WFDC1: variants seen among roughly 807,000 people sequenced by gnomAD.
The protein encoded by WFDC1 is WAP four-disulfide core domain 1, also known as WAP four-disulfide core domain protein 1.
WFDC1 carries 39 observed loss-of-function variants against 32.9 expected under a neutral mutation model. That is an observed-to-expected ratio of 1.19 (90% confidence interval 0.92 to 1.55). The LOEUF is 1.55. Among genes scored for constraint, WFDC1 ranks in the 40% most tolerant of loss-of-function variants. The probability of loss-of-function intolerance (pLI) is 0.00; values close to 1 mark genes in which losing one functional copy is unlikely to be tolerated. For missense variants in WFDC1, 386 were observed against 309.5 expected (o/e 1.25, Z -1.85); for synonymous variants, 184 against 137.4 (o/e 1.34, Z -2.37).
chr16:84,308,933 G>A (rs768264739), intron 1 of WFDC1, among the ~76,000 whole-genome samples: 1 of 152,130 alleles, frequency 6.6e-6, no homozygotes, highest in Non-Finnish European at 1.5e-5. Context: ...GCCATCCTGG[G>A]TGTAGACACC....
chr16:84,318,723 C>A (rs532733294), intron 3 of WFDC1: 4 of 247,464 alleles, frequency 1.6e-5, no homozygotes, highest in Admixed American at 4.5e-5. Context: ...AGGCAGAGGG[C>A]AATTTCTGGA....
chr16:84,313,752 G>A lies in WFDC1; in HGVS notation c.337+599G>A, dbSNP rs373100631. ...TGGGGCGTGCCCCAGAGAGGAGCGGGTGCGTGGCTTCAGATCCACCGGCCA... is the reference window on the plus strand; with the variant it reads ...TGGGGCGTGCCCCAGAGAGGAGCGGATGCGTGGCTTCAGATCCACCGGCCA... On this transcript the variant is annotated intron_variant, in intron 2 of 6. Coordinates refer to ENST00000219454, the MANE Select transcript of WFDC1 (RefSeq NM_021197.4). 1.1e-4 allele frequency among the ~76,000 whole-genome samples: 17 copies of A among 152,340 alleles called. No individual in the cohort carries two copies. In the East Asian group the frequency reaches 2.1e-3, roughly 19 times the overall value.
intron 1 of WFDC1, among the ~76,000 whole-genome samples, chr16:84,303,021 C>CTTTTT (rs35785853): frequency 5.9e-5 from 8 of 135,096 alleles, no homozygotes; most frequent in Non-Finnish European, 7.9e-5. Context: ...TTCTTTCTTT[C>CTTTTT]TTTTTTTTTT....
intron 1 of WFDC1, among the ~76,000 whole-genome samples, chr16:84,298,988 C>A (rs996610606): frequency 6.6e-6 from 1 of 152,162 alleles, no homozygotes; most frequent in Admixed American, 6.5e-5. Flanking sequence ...GTAAAAAGAC[C>A]ATAGAGCCCA....
chr16:84,314,078 C>G (rs1032320676), intron 2 of WFDC1, among the ~76,000 whole-genome samples: 4 of 151,998 alleles, frequency 2.6e-5, no homozygotes, highest in Non-Finnish European at 5.9e-5. Context: ...GAAAAGACAA[C>G]GTGCAGCTCA....
chr16:84,326,819 C>A, intron 5 of WFDC1, 63 bp from the exon 6 acceptor site: 2 of 1,595,460 alleles, frequency 1.3e-6, no homozygotes, highest in East Asian at 4.5e-5. Context: ...CCTGGTGAGC[C>A]ACGGGGGGCA....
At chr16:84,314,539 T>C (rs1260140161) in intron 2 of WFDC1, among the ~76,000 whole-genome samples, 1 of 152,058 alleles carries the variant, frequency 6.6e-6, no homozygotes, top group African/African-American at 2.4e-5. Context: ...GAGTCAGAGA[T>C]GGCAAGGATG....
Position 84,294,886 on chromosome 16 carries a change from C to T in WFDC1, c.-86C>T. ...AACTAAGAAAGTCCAGCAGACTGTG[C>T]ACGCTCCTGTCCCCACTCACAGGCC... On this transcript the variant is annotated 5_prime_UTR_variant, in exon 1 of 7. Transcript: ENST00000219454. 6.5e-6 allele frequency: 10 copies of T among 1,532,304 alleles called. No homozygotes were observed. The highest frequency in any genetic ancestry group is 7.0e-6 in the Non-Finnish European group (8 of 1,140,342). 94.9% of individuals were successfully genotyped at this position (1,532,304 alleles called of 1,614,324 possible).
chr16:84,302,099 G>T (rs141211001), intron 1 of WFDC1, among the ~76,000 whole-genome samples: 163 of 152,258 alleles, frequency 1.1e-3, no homozygotes, highest in African/African-American at 3.8e-3. Flanking sequence ...AAGACATGAT[G>T]CTGAGTGCAC....
At chr16:84,318,487 T>C in intron 3 of WFDC1, 132 bp downstream of exon 3, 2 of 819,220 alleles carry the variant, frequency 2.4e-6, no homozygotes, top group South Asian at 3.1e-5. Context: ...CTCAGCCCTC[T>C]TTGATCCTCC....
intron 1 of WFDC1, among the ~76,000 whole-genome samples, chr16:84,296,391 C>G (rs1054591146): frequency 1.3e-5 from 2 of 152,168 alleles, no homozygotes; most frequent in Non-Finnish European, 2.9e-5. Context: ...CTGGTACATT[C>G]TTGTGGGTGA....
chr16:84,312,900 C>T lies in WFDC1; in HGVS notation c.145-61C>T, dbSNP rs115844790. On this transcript the variant is annotated intron_variant, in intron 1 of 6. Coordinates refer to ENST00000219454, the MANE Select transcript of WFDC1 (RefSeq NM_021197.4). ...GCACTGCCCACCCCCTTGCAAGCTCCGGGTGGCGCCGGGACTCGAACGCGC... is the reference window on the plus strand; with the variant it reads ...GCACTGCCCACCCCCTTGCAAGCTCTGGGTGGCGCCGGGACTCGAACGCGC... The T allele has an allele frequency of 0.013, 13,749 of 1,065,442 alleles. 1,113 individuals are homozygous for T. In the African/African-American group the frequency reaches 0.19, roughly 15 times the overall value. 66.0% of individuals were successfully genotyped at this position (1,065,442 alleles called of 1,614,324 possible). A position where few individuals can be genotyped will look rare whatever the true frequency, so the allele number is the denominator to read the frequency against.
chr16:84,295,993 T>G (rs1313567367), intron 1 of WFDC1, among the ~76,000 whole-genome samples: 2 of 152,112 alleles, frequency 1.3e-5, no homozygotes, highest in Non-Finnish European at 2.9e-5. Context: ...CATTTATTAG[T>G]ATGTGCAGAT....
intron 2 of WFDC1, 142 bp from the exon 3 acceptor site, chr16:84,318,130 G>T: frequency 1.4e-6 from 1 of 738,174 alleles, no homozygotes; most frequent in Admixed American, 2.2e-5. Context: ...AAAGCAAAGG[G>T]TGAAGGTGTG....
chr16:84,307,828 C>A (rs1012103166), intron 1 of WFDC1, among the ~76,000 whole-genome samples: 1 of 152,162 alleles, frequency 6.6e-6, no homozygotes, highest in Non-Finnish European at 1.5e-5. Context: ...AATTCTGCAG[C>A]AAGTGAACTG....
Position 84,312,975 on chromosome 16 carries a change from C to A in WFDC1, c.159C>A (p.Gly53=). The change falls in exon 2 of 7, where the codon GGC becomes GGA. Residue 53 remains glycine (G), a synonymous_variant. Transcript: ENST00000219454. ...LAEKSRAEEA[G]APGGPRQPRA... is the part of the protein sequence containing the mutation. ...TCTCCCCGCAGGCCGAGGAGGCGGG[C>A]GCGCCCGGCGGCCCCCGGCAGCCCC... 3.4e-6 allele frequency: 4 copies of A among 1,165,492 alleles called. No individual in the cohort carries two copies. The highest frequency in any genetic ancestry group is 4.2e-6 in the Non-Finnish European group (4 of 946,206). 72.2% of individuals were successfully genotyped at this position (1,165,492 alleles called of 1,614,324 possible).
chr16:84,312,781 T>C (rs1014186450), intron 1 of WFDC1, among the ~76,000 whole-genome samples, 180 bp from the exon 2 acceptor site: 3 of 152,168 alleles, frequency 2.0e-5, no homozygotes, highest in Non-Finnish European at 4.4e-5. Context: ...AAAAGATACA[T>C]GGTATCTTCT....
At chr16:84,309,276 AG>A (rs2151373279) in intron 1 of WFDC1, among the ~76,000 whole-genome samples, 1 of 152,152 alleles carries the variant, frequency 6.6e-6, no homozygotes, top group South Asian at 2.1e-4. Context: ...AAATCGAAAA[AG>A]TAACATGTAC....
chr16:84,294,941 T>G lies in WFDC1; in HGVS notation c.-31T>G, dbSNP rs145207818. 1.2e-6 allele frequency: 2 copies of G among 1,600,918 alleles called. No homozygotes were observed. Among genetic ancestry groups the G allele is most frequent in the East Asian group, 2.2e-5 (1 of 44,778 alleles). On this transcript the variant is annotated 5_prime_UTR_variant, in exon 1 of 7. Coordinates refer to ENST00000219454, the MANE Select transcript of WFDC1 (RefSeq NM_021197.4). ...CAGCGAGGGGGGCCCCTCTTCTGTG[T>G]GCGTCTGGAAGGTCGCTGCCCAGGG...
Sources: gnomAD v4.1 joint callset for allele counts (sites outside exome capture counted in the v4.1 genomes callset) on GRCh38, gnomAD v4.1.1 for gene constraint, MANE v1.5 for transcripts, NCBI Gene and HGNC (gene_info 2026-07-23, HGNC 2026-07-21) for gene names.